The following IGSF10 variants were observed in gnomAD, a reference collection of about 807,000 sequenced individuals.
The protein encoded by IGSF10 is immunoglobulin superfamily member 10, also known as calvaria mechanical force protein 608.
IGSF10 carries 126 observed loss-of-function variants against 128.2 expected under a neutral mutation model. The observed-to-expected ratio is 0.98, with a 90% CI of 0.85 to 1.14. IGSF10 has a LOEUF of 1.14. Ranked by LOEUF, IGSF10 falls within the 50% of genes most tolerant of loss-of-function variation. IGSF10 has a pLI of 0.00. For missense variants in IGSF10, 3,295 were observed against 3,149.8 expected, an observed-to-expected ratio of 1.05 and a Z score of -1.10; for synonymous variants, 1,185 against 1,146.2, an observed-to-expected ratio of 1.03 and a Z score of -0.68.
chr3:151,551,247 G>C, the IGSF10 span, among the ~76,000 whole-genome samples: 1 of 152,142 alleles, frequency 6.6e-6, no homozygotes, highest in Non-Finnish European at 1.5e-5. Context: ...CTTTCAATGA[G>C]TTCAGTGGTT....
chr3:151,571,205 G>T, the IGSF10 span, among the ~76,000 whole-genome samples: 3 of 152,160 alleles, frequency 2.0e-5, no homozygotes, highest in African/African-American at 7.2e-5. Context: ...GATTGTCTTG[G>T]CAATGAAGGC....
At chr3:151,571,984 GT>G in the IGSF10 span, among the ~76,000 whole-genome samples, 6 of 152,174 alleles carry the variant, frequency 3.9e-5, no homozygotes. Context: ...TAATCATGTG[GT>G]TTTTGTCTTT....
At chr3:151,498,715 A>C in the IGSF10 span, among the ~76,000 whole-genome samples, 1 of 152,162 alleles carries the variant, frequency 6.6e-6, no homozygotes, top group Non-Finnish European at 1.5e-5. Context: ...AAATGAACTA[A>C]AAGCAGACAG....
intron 4 of IGSF10, among the ~76,000 whole-genome samples, chr3:151,455,275 A>G (rs1721731170): frequency 6.6e-6 from 1 of 151,576 alleles, no homozygotes; most frequent in South Asian, 2.1e-4. Flanking sequence ...ACGCCTGGCT[A>G]ATTTTTTGTA....
chr3:151,443,425 G>A lies in IGSF10; in HGVS notation c.5522C>T (p.Pro1841Leu). ...LLVKIQVIAA[P>L]PVILEQRRQV... Reference sequence around the variant, plus strand: ...CCTCCTTTGCTCTAGAATAACAGGTGGTGCTGCAATGACTTGTATTTTAAC... The same window carrying A: ...CCTCCTTTGCTCTAGAATAACAGGTAGTGCTGCAATGACTTGTATTTTAAC... The change falls in exon 7 of 8, where the codon CCA becomes CTA. Residue 1841 changes from proline (P) to leucine (L), a missense_variant. Coordinates refer to ENST00000282466, the MANE Select transcript of IGSF10 (RefSeq NM_178822.5). The A allele has an allele frequency of 6.2e-7, 1 of 1,614,218 alleles. No homozygotes were observed. The highest frequency in any genetic ancestry group is 8.5e-7 in the Non-Finnish European group (1 of 1,180,046).
chr3:151,510,029 T>C, the IGSF10 span, among the ~76,000 whole-genome samples: 6 of 152,234 alleles, frequency 3.9e-5, no homozygotes, highest in South Asian at 2.1e-4. Flanking sequence ...TGCCTGCCTC[T>C]GTAGGCTCCA....
the IGSF10 span, among the ~76,000 whole-genome samples, chr3:151,507,968 G>A: frequency 6.6e-6 from 1 of 151,776 alleles, no homozygotes; most frequent in East Asian, 1.9e-4. Context: ...ATAAATAATT[G>A]GAAGAACTAT....
chr3:151,552,324 T>C, the IGSF10 span, among the ~76,000 whole-genome samples: 2 of 152,104 alleles, frequency 1.3e-5, no homozygotes, highest in Non-Finnish European at 2.9e-5. Context: ...TTTATAGCAA[T>C]GTGAGAATGA....
At chr3:151,433,535 T>C (rs1240659838), downstream of IGSF10, 1 of 152,546 alleles carries the variant, frequency 6.6e-6, no homozygotes, top group Non-Finnish European at 1.5e-5. Context: ...AAATTTGTTT[T>C]GAGGCAAGAT....
chr3:151,483,782 T>A, the IGSF10 span, among the ~76,000 whole-genome samples: 2 of 152,158 alleles, frequency 1.3e-5, no homozygotes, highest in Non-Finnish European at 2.9e-5. Context: ...GATACTGAGC[T>A]TTTCCCATGG....
At chr3:151,528,762 A>T in the IGSF10 span, among the ~76,000 whole-genome samples, 37 of 151,586 alleles carry the variant, frequency 2.4e-4, no homozygotes, top group Non-Finnish European at 4.4e-4. Context: ...GCAAAAAACT[A>T]AGTGGCTGTT....
the IGSF10 span, among the ~76,000 whole-genome samples, chr3:151,466,397 T>A: frequency 6.6e-5 from 10 of 152,186 alleles, no homozygotes; most frequent in African/African-American, 2.4e-4. Context: ...GAGTCTAAGA[T>A]CAAATTGGAT....
chr3:151,476,466 G>A, the IGSF10 span, among the ~76,000 whole-genome samples: 11 of 152,156 alleles, frequency 7.2e-5, no homozygotes, highest in Middle Eastern at 3.2e-3. Context: ...CTAGTCTGAC[G>A]TAACTGCTAC....
the IGSF10 span, among the ~76,000 whole-genome samples, chr3:151,611,463 G>C: frequency 6.6e-6 from 1 of 152,170 alleles, no homozygotes; most frequent in Non-Finnish European, 1.5e-5. Context: ...GACCTATGAA[G>C]TAAGAAATCC....
chr3:151,433,968 GCTC>G (rs1210511761), downstream of IGSF10: 10 of 152,538 alleles, frequency 6.6e-5, no homozygotes, highest in East Asian at 1.9e-4. Context: ...GTGGTAATTT[GCTC>G]CTATTAGAGT....
At chr3:151,616,114 G>A in the IGSF10 span, among the ~76,000 whole-genome samples, 8 of 151,656 alleles carry the variant, frequency 5.3e-5, no homozygotes, top group African/African-American at 1.5e-4. Context: ...ACAGGCATGC[G>A]CCACCACACC....
chr3:151,617,320 C>CCTCCTCCT, the IGSF10 span, among the ~76,000 whole-genome samples: 10 of 83,628 alleles, frequency 1.2e-4, no homozygotes, highest in African/African-American at 4.2e-4. Context: ...CTTCTTCTTC[C>CCTCCTCCT]CCTCCTCCTC....
the IGSF10 span, among the ~76,000 whole-genome samples, chr3:151,581,825 C>T: frequency 2.0e-5 from 3 of 152,268 alleles, no homozygotes; most frequent in African/African-American, 7.2e-5. Context: ...ATTCCTAGTA[C>T]TTTGGGAGGC....
upstream of IGSF10, among the ~76,000 whole-genome samples, chr3:151,463,540 TTTTTTTTTTTTTTTTTTTTTTC>T (rs1228731404): frequency 9.3e-3 from 1,013 of 109,264 alleles, 39 homozygotes; most frequent in East Asian, 0.14. Context: ...TTTTTTTTTT[TTTTTTTTTTTTTTTTTTTTTTC>T]TGAGACGGAG....
Sources: gnomAD v4.1 joint callset for allele counts (sites outside exome capture counted in the v4.1 genomes callset) on GRCh38, gnomAD v4.1.1 for gene constraint, MANE v1.5 for transcripts, NCBI Gene and HGNC (gene_info 2026-07-23, HGNC 2026-07-21) for gene names.